Variants in ERI1 observed in about 807,000 individuals in gnomAD.
ERI1 encodes the protein 3'-5' exoribonuclease 1.
A neutral mutation model predicts 39.7 loss-of-function variants in ERI1; 39 were observed. That is an observed-to-expected ratio of 0.98 (90% CI 0.76 to 1.28). ERI1 has a LOEUF of 1.28. Ranked by LOEUF, ERI1 falls within the 50% of genes most tolerant of loss-of-function variation. The pLI, the probability that ERI1 is intolerant of heterozygous loss-of-function variation, is 0.00. For synonymous variants in ERI1, 204 were observed against 149.6 expected, an observed-to-expected ratio of 1.36 and a Z score of -2.65; for missense variants, 581 against 416.9, an observed-to-expected ratio of 1.39 and a Z score of -3.43.
chr8:9,087,463 A>C (rs1417603548), intron 3 of ERI1, among the ~76,000 whole-genome samples: 2 of 140,510 alleles, frequency 1.4e-5, no homozygotes, highest in African/African-American at 5.3e-5. Flanking sequence ...GGGTTTCAAC[A>C]TGTTGGCCAG....
At chr8:9,070,011 G>A (rs898709241) in intron 3 of ERI1, among the ~76,000 whole-genome samples, 3 of 151,940 alleles carry the variant, frequency 2.0e-5, no homozygotes, top group Non-Finnish European at 2.9e-5. Flanking sequence ...GGCTGAGGTG[G>A]GCGGATCACC....
At chr8:9,070,703 C>T (rs768004913) in intron 3 of ERI1, among the ~76,000 whole-genome samples, 6 of 152,236 alleles carry the variant, frequency 3.9e-5, no homozygotes, top group Admixed American at 6.5e-5. Flanking sequence ...CTTGCAAATG[C>T]ACACAGAAAG....
chr8:9,004,691 T>TG lies in ERI1; in HGVS notation c.108+1520_108+1521insG, dbSNP rs1185573529. 7.3e-3 allele frequency among the ~76,000 whole-genome samples: 1,091 copies of TG among 150,142 alleles called. 13 individuals are homozygous for TG. Among genetic ancestry groups the TG allele is most frequent in the African/African-American group, 0.026 (1,051 of 40,962 alleles). ...AAAATAATAGTAATGATACTTTTTT[T>TG]TTTTTTTTTTTGGAGACGGAGTTTC... is the stretch of plus-strand genomic sequence containing the variant. On this transcript the variant is annotated intron_variant, in intron 1 of 6. Coordinates refer to ENST00000250263, the MANE Select transcript of ERI1 (RefSeq NM_153332.4).
intron 6 of ERI1, among the ~76,000 whole-genome samples, chr8:9,021,924 T>G (rs546197356): frequency 6.6e-6 from 1 of 152,190 alleles, no homozygotes; most frequent in Admixed American, 6.5e-5. Flanking sequence ...GGATTGTTTT[T>G]ATTTGGGGCT....
chr8:9,011,514 G>A (rs1360100903), intron 2 of ERI1, 28 bp from the exon 3 acceptor site: 3 of 1,488,964 alleles, frequency 2.0e-6, no homozygotes, highest in Admixed American at 3.8e-5. Context: ...ATTTACCTAA[G>A]TGTAACTAGT....
chr8:9,057,532 G>A (rs926548299), intron 3 of ERI1, among the ~76,000 whole-genome samples: 1 of 152,138 alleles, frequency 6.6e-6, no homozygotes, highest in Non-Finnish European at 1.5e-5. Flanking sequence ...CAAAACAAGT[G>A]TTAGGCATCT....
chr8:9,034,665 A>C (rs1157665227), downstream of ERI1, among the ~76,000 whole-genome samples: 4 of 152,172 alleles, frequency 2.6e-5, no homozygotes, highest in Non-Finnish European at 5.9e-5. Flanking sequence ...GAGACACAAT[A>C]TTGAAATTAG....
intron 3 of ERI1, among the ~76,000 whole-genome samples, chr8:9,063,334 G>A (rs967294278): frequency 6.6e-6 from 1 of 152,144 alleles, no homozygotes; most frequent in Non-Finnish European, 1.5e-5. Flanking sequence ...TAAAGAAAAA[G>A]CATTAACCTT....
chr8:9,057,549 T>C (rs992455014), intron 3 of ERI1, among the ~76,000 whole-genome samples: 6 of 152,224 alleles, frequency 3.9e-5, no homozygotes, highest in Non-Finnish European at 5.9e-5. Flanking sequence ...ATCTAGTCAT[T>C]TGCTGATTCA....
chr8:9,007,959 T>G lies in ERI1; in HGVS notation c.109-11T>G. On this transcript the variant is annotated splice_polypyrimidine_tract_variant and intron_variant, in intron 1 of 6. Transcript: ENST00000250263. The stretch of plus-strand genomic sequence containing the variant: ...CCTTTTTTTTTTTTTTTTTTTTTTT[T>G]TTTTTGGTAGGAAACTCAACAGTGT... The G allele has an allele frequency of 1.3e-6, 2 of 1,499,700 alleles. No homozygotes were observed. Among genetic ancestry groups the G allele is most frequent in the South Asian group, 1.3e-5 (1 of 76,526 alleles). The allele number at this position is 1,499,700 out of a possible 1,614,324, so 92.9% of individuals were successfully genotyped here. A position where few individuals can be genotyped will look rare whatever the true frequency, so the allele number is the denominator to read the frequency against.
chr8:9,016,472 C>G (rs1563319717), intron 4 of ERI1, 67 bp downstream of exon 4: 3 of 952,730 alleles, frequency 3.1e-6, no homozygotes. Context: ...TTATTTTATA[C>G]ATAATTTAAA....
chr8:9,035,224 A>G (rs866990978), downstream of ERI1, among the ~76,000 whole-genome samples: 1 of 152,110 alleles, frequency 6.6e-6, no homozygotes, highest in South Asian at 2.1e-4. Context: ...TCTAGCTAAG[A>G]TAACTAATGA....
At chr8:9,047,778 C>G (rs1798221760) in intron 3 of ERI1, among the ~76,000 whole-genome samples, 1 of 152,122 alleles carries the variant, frequency 6.6e-6, no homozygotes, top group African/African-American at 2.4e-5. Context: ...CCACCTATAC[C>G]TATTTATTAA....
intron 3 of ERI1, among the ~76,000 whole-genome samples, chr8:9,043,376 C>T (rs1037005381): frequency 2.0e-5 from 3 of 152,196 alleles, no homozygotes; most frequent in Admixed American, 2.0e-4. Flanking sequence ...AGAGCTGTGC[C>T]TGGACCCCAT....
intron 3 of ERI1, among the ~76,000 whole-genome samples, chr8:9,077,081 A>G (rs545410697): frequency 6.6e-6 from 1 of 152,324 alleles, no homozygotes; most frequent in African/African-American, 2.4e-5. Context: ...GCTGGTCAGA[A>G]TGTTTATTAG....
intron 6 of ERI1, among the ~76,000 whole-genome samples, chr8:9,027,136 G>GGTGTGTGTGTGTGT (rs780775904): frequency 0.013 from 1,772 of 137,526 alleles, 24 homozygotes; most frequent in Middle Eastern, 0.038. Flanking sequence ...GTTATTTTCT[G>GGTGTGTGTGTGTGT]GTGTGTGTGT....
At position 9,030,936 on chromosome 8, in the gene ERI1, T is replaced by A. The variant is rs762824385; in HGVS notation, c.*902T>A. On this transcript the variant is annotated 3_prime_UTR_variant, in exon 7 of 7. Coordinates refer to ENST00000250263, the MANE Select transcript of ERI1 (RefSeq NM_153332.4). Reference sequence around the variant, plus strand: ...ACGTTTTTGTTATTAAAAAACTTCATTGGCCACTAGTGAAGTTAGTCAATA... The same window carrying A: ...ACGTTTTTGTTATTAAAAAACTTCAATGGCCACTAGTGAAGTTAGTCAATA... 6.6e-6 allele frequency: 1 copy of A among 152,208 alleles called. No individual in the cohort carries two copies. Among genetic ancestry groups the A allele is most frequent in the Non-Finnish European group, 1.5e-5 (1 of 68,020 alleles). 9.4% of individuals were successfully genotyped at this position (152,208 alleles called of 1,614,324 possible). A position where few individuals can be genotyped will look rare whatever the true frequency, so the allele number is the denominator to read the frequency against.
chr8:9,024,407 C>T (rs921348699), intron 6 of ERI1, among the ~76,000 whole-genome samples: 15 of 151,164 alleles, frequency 9.9e-5, no homozygotes, highest in African/African-American at 2.9e-4. Context: ...CTTCTTTTTT[C>T]TCTTTTCTTT....
At chr8:9,093,272 T>C (rs1456850327) in intron 3 of ERI1, among the ~76,000 whole-genome samples, 1 of 152,052 alleles carries the variant, frequency 6.6e-6, no homozygotes, top group Non-Finnish European at 1.5e-5. Context: ...AATCTTAACG[T>C]TTTAAGAAAG....
Sources: allele counts gnomAD v4.1 joint callset (sites outside exome capture counted in the v4.1 genomes callset), GRCh38; gene constraint gnomAD v4.1.1; transcripts MANE v1.5; gene names NCBI Gene and HGNC (gene_info 2026-07-23, HGNC 2026-07-21).